The following RBFOX1 variants were observed in gnomAD, a reference collection of about 807,000 sequenced individuals.
The protein encoded by RBFOX1 is RNA binding protein fox-1 homolog 1.
RBFOX1 carries 8 observed loss-of-function variants against 57.7 expected under a neutral mutation model. The ratio of observed to expected loss-of-function variants is 0.14; its 90% confidence interval spans 0.08 to 0.25. RBFOX1 has a LOEUF of 0.25. Ranked by LOEUF, RBFOX1 falls within the 10% of genes least tolerant of loss-of-function variation. The pLI, the probability that RBFOX1 is intolerant of heterozygous loss-of-function variation, is 1.00. For missense variants in RBFOX1, 611 were observed against 548.5 expected, an observed-to-expected ratio of 1.11 and a Z score of -1.14; for synonymous variants, 326 against 222.4, an observed-to-expected ratio of 1.47 and a Z score of -4.15.
rs536604450 is a variant in RBFOX1 at position 7,217,940 on chromosome 16, G to T, written c.27+165842G>T. Among the ~76,000 whole-genome samples, 260 of 151,250 alleles carry T rather than the reference G, an allele frequency of 1.7e-3. 4 individuals are homozygous for T. Among genetic ancestry groups the T allele is most frequent in the Admixed American group, 0.014 (213 of 15,232 alleles). On this transcript the variant is annotated intron_variant, in intron 4 of 15. Coordinates refer to ENST00000550418, the MANE Select transcript of RBFOX1 (RefSeq NM_018723.4). ...TGTGAGTGTAGGTGTGTGCGTGCATGTGTGTGTGTGTGCACATGTGTACCT... is the reference window on the plus strand; with the variant it reads ...TGTGAGTGTAGGTGTGTGCGTGCATTTGTGTGTGTGTGCACATGTGTACCT...
chr16:6,011,547 A>G (rs907030195), intron 4 of RBFOX1, among the ~76,000 whole-genome samples: 1 of 152,160 alleles, frequency 6.6e-6, no homozygotes, highest in Admixed American at 6.5e-5. Flanking sequence ...TAGTACTACA[A>G]CTGCCGTGTA....
intron 3 of RBFOX1, among the ~76,000 whole-genome samples, chr16:5,618,368 C>T (rs905665855): frequency 5.3e-5 from 8 of 151,994 alleles, no homozygotes; most frequent in Admixed American, 2.6e-4. Context: ...GACAGAGTCT[C>T]GCTCTGTCAC....
At chr16:6,225,116 C>G (rs984007857) in intron 1 of RBFOX1, among the ~76,000 whole-genome samples, 8 of 150,848 alleles carry the variant, frequency 5.3e-5, no homozygotes, top group African/African-American at 1.7e-4. Flanking sequence ...AAGTGATGGA[C>G]TACAAGAGAG....
chr16:5,958,920 A>ACCTCC (rs2059698435), intron 4 of RBFOX1, among the ~76,000 whole-genome samples: 1 of 152,102 alleles, frequency 6.6e-6, no homozygotes, highest in Admixed American at 6.5e-5. Flanking sequence ...GTCCAGGATA[A>ACCTCC]CCTCCCCATC....
At chr16:5,441,610 C>T (rs982533904) in intron 1 of RBFOX1, among the ~76,000 whole-genome samples, 1 of 152,090 alleles carries the variant, frequency 6.6e-6, no homozygotes, top group East Asian at 1.9e-4. Context: ...AGTGATTCAC[C>T]CACCTTGACC....
intron 5 of RBFOX1, among the ~76,000 whole-genome samples, chr16:7,572,022 G>T (rs535301635): frequency 5.4e-4 from 83 of 152,304 alleles, no homozygotes; most frequent in African/African-American, 2.0e-3. Context: ...AGCTACTGGG[G>T]AGGCTGAGGC....
chr16:7,412,390 G>C (rs1822722127), intron 4 of RBFOX1, among the ~76,000 whole-genome samples: 1 of 147,550 alleles, frequency 6.8e-6, no homozygotes, highest in Admixed American at 6.8e-5. Flanking sequence ...ACTCCAGGCT[G>C]GGCAACAGAG....
intron 1 of RBFOX1, among the ~76,000 whole-genome samples, chr16:5,258,221 T>C (rs572642213): frequency 6.6e-6 from 1 of 152,242 alleles, no homozygotes; most frequent in African/African-American, 2.4e-5. Context: ...ATTTTCAATA[T>C]ACATAAAAGT....
intron 12 of RBFOX1, among the ~76,000 whole-genome samples, chr16:7,661,776 T>C (rs1357317852): frequency 6.6e-6 from 1 of 152,194 alleles, no homozygotes; most frequent in African/African-American, 2.4e-5. Flanking sequence ...TTTGAGCTTT[T>C]CACAATGAGA....
rs149583530 is a variant in RBFOX1 at position 6,807,628 on chromosome 16, G to A, written c.-16+152978G>A. Among the ~76,000 whole-genome samples, 7 of 152,086 alleles carry A rather than the reference G, an allele frequency of 4.6e-5. No homozygotes were observed. The East Asian group carries it at 5.8e-4, about 13-fold the overall frequency. ...GTCACGAGATTGAGACCAGCCTGGC[G>A]AGCATGGTGAAAGCCCATCTCCACT... On this transcript the variant is annotated intron_variant, in intron 3 of 15. Transcript: ENST00000550418.
At position 6,781,438 on chromosome 16, in the gene RBFOX1, T is replaced by C. The variant is rs1300602189; in HGVS notation, c.-16+126788T>C. On this transcript the variant is annotated intron_variant, in intron 3 of 15. Coordinates refer to ENST00000550418, the MANE Select transcript of RBFOX1 (RefSeq NM_018723.4). ...TTTGGCATTAGGATAATCCTGATCC[T>C]GTAGAATGAGTTTGGAAGTATTGTC... Among the ~76,000 whole-genome samples the C allele has an allele frequency of 2.0e-5, 3 of 152,160 alleles. No individual in the cohort carries two copies. In the East Asian group the frequency reaches 5.8e-4, roughly 29 times the overall value.
At chr16:6,910,760 A>C (rs1398269405) in intron 3 of RBFOX1, among the ~76,000 whole-genome samples, 1 of 152,226 alleles carries the variant, frequency 6.6e-6, no homozygotes, top group Non-Finnish European at 1.5e-5. Context: ...GGAAGATTAC[A>C]CAGCAAAACC....
At chr16:6,705,844 C>A (rs956191316) in intron 3 of RBFOX1, among the ~76,000 whole-genome samples, 2 of 152,020 alleles carry the variant, frequency 1.3e-5, no homozygotes, top group African/African-American at 4.8e-5. Context: ...ATGGCAAAAC[C>A]CTGTCTTTAC....
At chr16:7,159,620 C>T (rs923788096) in intron 4 of RBFOX1, among the ~76,000 whole-genome samples, 2 of 152,284 alleles carry the variant, frequency 1.3e-5, no homozygotes, top group East Asian at 1.9e-4. Context: ...CAGTCATCTC[C>T]CGCTTATCGT....
At chr16:7,197,320 A>G (rs542414628) in intron 4 of RBFOX1, among the ~76,000 whole-genome samples, 8 of 151,940 alleles carry the variant, frequency 5.3e-5, no homozygotes, top group East Asian at 2.0e-4. Context: ...TGAGCTTGCT[A>G]TCGATTTTAA....
chr16:5,728,655 G>C (rs77076877), intron 3 of RBFOX1, among the ~76,000 whole-genome samples: 2 of 152,256 alleles, frequency 1.3e-5, no homozygotes, highest in South Asian at 4.1e-4. Flanking sequence ...GGATGACTCC[G>C]TAGGTCACTC....
At chr16:6,836,018 G>T (rs2093069988) in intron 3 of RBFOX1, among the ~76,000 whole-genome samples, 1 of 152,134 alleles carries the variant, frequency 6.6e-6, no homozygotes, top group African/African-American at 2.4e-5. Flanking sequence ...CAGAAATACA[G>T]TCTCTGTCCT....
At chr16:7,548,499 C>T (rs942476010) in intron 5 of RBFOX1, among the ~76,000 whole-genome samples, 7 of 152,168 alleles carry the variant, frequency 4.6e-5, no homozygotes, top group African/African-American at 1.7e-4. Flanking sequence ...ACACTGAGCA[C>T]TGGGAATACA....
intron 2 of RBFOX1, among the ~76,000 whole-genome samples, chr16:6,612,561 A>G (rs1221804047): frequency 6.6e-6 from 1 of 152,150 alleles, no homozygotes; most frequent in Non-Finnish European, 1.5e-5. Flanking sequence ...TGTTAAAAAC[A>G]TTTGTTTGGC....
Sources: allele counts gnomAD v4.1 joint callset (sites outside exome capture counted in the v4.1 genomes callset), GRCh38; gene constraint gnomAD v4.1.1; transcripts MANE v1.5; gene names NCBI Gene and HGNC (gene_info 2026-07-23, HGNC 2026-07-21).